The following FAF1 variants were observed in gnomAD, a reference collection of about 807,000 sequenced individuals.
FAF1 encodes the protein FAS-associated factor 1.
Under a neutral mutation model 92.5 loss-of-function variants are expected in FAF1, and 25 were observed. The ratio of observed to expected loss-of-function variants is 0.27; its 90% CI spans 0.20 to 0.38. The LOEUF (loss-of-function observed/expected upper bound fraction) is 0.38. FAF1 is among the 10% of genes least tolerant of loss of function. FAF1 has a pLI of 1.00. For missense variants in FAF1, 636 were observed against 793.3 expected, an observed-to-expected ratio of 0.80 and a Z score of 2.38; for synonymous variants, 234 against 273.2, an observed-to-expected ratio of 0.86 and a Z score of 1.42.
chr1:50,475,735 T>G, intron 17 of FAF1, 56 bp from the exon 18 acceptor site: 1 of 1,217,288 alleles, frequency 8.2e-7, no homozygotes, highest in Non-Finnish European at 1.1e-6. Flanking sequence ...CTATGGAGAG[T>G]GGGGAGGAAG....
intron 8 of FAF1, among the ~76,000 whole-genome samples, chr1:50,599,342 C>T (rs886279220): frequency 3.3e-5 from 5 of 152,060 alleles, no homozygotes; most frequent in African/African-American, 1.2e-4. Context: ...GAACTCCTGA[C>T]CTCAGGTGAT....
chr1:50,561,492 C>G (rs943549101), intron 13 of FAF1, among the ~76,000 whole-genome samples: 2 of 152,058 alleles, frequency 1.3e-5, no homozygotes, highest in Non-Finnish European at 2.9e-5. Context: ...TTCAATAAGC[C>G]TATTAGAGAT....
chr1:50,929,046 TG>T (rs1346200307), intron 1 of FAF1, among the ~76,000 whole-genome samples: 1 of 123,852 alleles, frequency 8.1e-6, no homozygotes, highest in African/African-American at 3.2e-5. Context: ...TACCCCAGCC[TG>T]GGTGACATAG....
In FAF1 at chr1:50,684,424, A is replaced by C. The variant is rs1265529840; in HGVS notation, c.657+21362T>G. On this transcript the variant is annotated intron_variant, in intron 7 of 18. Coordinates refer to ENST00000396153, the MANE Select transcript of FAF1 (RefSeq NM_007051.3). The stretch of plus-strand genomic sequence containing the variant: ...GAGGAATAAAGCAGCTGATATACTC[A>C]ATCACTTATTTATTCATTAATTCAG... 2.0e-5 allele frequency among the ~76,000 whole-genome samples: 3 copies of C among 152,102 alleles called. No individual in the cohort carries two copies. In the East Asian group the frequency reaches 5.8e-4, roughly 29 times the overall value.
At chr1:50,589,700 A>AT (rs979138700) in intron 9 of FAF1, among the ~76,000 whole-genome samples, 2 of 151,796 alleles carry the variant, frequency 1.3e-5, no homozygotes, top group Admixed American at 1.3e-4. Flanking sequence ...CAATTTCTCT[A>AT]TTTTTTCTTT....
At chr1:50,903,968 C>A (rs1644816025) in intron 1 of FAF1, among the ~76,000 whole-genome samples, 1 of 152,106 alleles carries the variant, frequency 6.6e-6, no homozygotes, top group Admixed American at 6.6e-5. Context: ...TGGCAGCCCT[C>A]AAAAAATTAA....
chr1:50,441,198 AG>A lies in FAF1; in HGVS notation c.*241del. The A allele has an allele frequency of 2.5e-6, 1 of 406,634 alleles. No individual in the cohort carries two copies. The highest frequency in any genetic ancestry group is 5.8e-5 in the South Asian group (1 of 17,324). The allele number at this position is 406,634 out of a possible 1,614,324, so 25.2% of individuals were successfully genotyped here. A position where few individuals can be genotyped will look rare whatever the true frequency, so the allele number is the denominator to read the frequency against. On this transcript the variant is annotated 3_prime_UTR_variant, in exon 19 of 19. Coordinates refer to ENST00000396153, the MANE Select transcript of FAF1 (RefSeq NM_007051.3). ...TCGTCATTGAAGGAGGGTGAAGTGC[AG>A]GGGGTAGGGGAGGGTGGCAGAGTTG... is the stretch of plus-strand genomic sequence containing the variant.
intron 18 of FAF1, among the ~76,000 whole-genome samples, chr1:50,455,741 T>C (rs374058025): frequency 4.9e-4 from 75 of 152,290 alleles, no homozygotes; most frequent in African/African-American, 1.7e-3. Flanking sequence ...GCTAGAAGAA[T>C]TAAAATTTTG....
intron 6 of FAF1, among the ~76,000 whole-genome samples, chr1:50,712,775 A>G (rs1657991768): frequency 6.6e-6 from 1 of 152,206 alleles, no homozygotes; most frequent in South Asian, 2.1e-4. Context: ...CCTCAGCTGC[A>G]GCATCCAGGA....
At chr1:50,622,705 T>G (rs1328240581) in intron 8 of FAF1, among the ~76,000 whole-genome samples, 1 of 152,160 alleles carries the variant, frequency 6.6e-6, no homozygotes, top group African/African-American at 2.4e-5. Flanking sequence ...GTGGGGAGGA[T>G]GGTAAAGAGG....
chr1:50,564,273 G>A (rs565505098), intron 13 of FAF1, among the ~76,000 whole-genome samples: 1 of 135,298 alleles, frequency 7.4e-6, no homozygotes, highest in Admixed American at 7.2e-5. Context: ...ATGGCTTACA[G>A]GTCCAGGACT....
chr1:50,820,140 T>A (rs1255209371), intron 2 of FAF1, among the ~76,000 whole-genome samples: 4 of 151,660 alleles, frequency 2.6e-5, no homozygotes, highest in Admixed American at 6.6e-5. Context: ...GTGGAGAGGG[T>A]AGGGAAGAGG....
At chr1:50,571,633 T>C (rs1164736903) in intron 12 of FAF1, among the ~76,000 whole-genome samples, 1 of 152,186 alleles carries the variant, frequency 6.6e-6, no homozygotes, top group Non-Finnish European at 1.5e-5. Context: ...CTGGGATGCT[T>C]ATTGTGTCTC....
At chr1:50,790,593 C>CT (rs953425723) in intron 3 of FAF1, among the ~76,000 whole-genome samples, 1,667 of 145,480 alleles carry the variant, frequency 0.011, 29 homozygotes, top group African/African-American at 0.037. Flanking sequence ...ATTGCCACTT[C>CT]TTTTTTTTTT....
chr1:50,916,722 T>C (rs1644921243), intron 1 of FAF1, among the ~76,000 whole-genome samples: 1 of 152,208 alleles, frequency 6.6e-6, no homozygotes, highest in South Asian at 2.1e-4. Flanking sequence ...TTACTTCTCC[T>C]AGAAGACTTA....
At chr1:50,857,114 TGAAAA>T (rs560102018) in intron 2 of FAF1, among the ~76,000 whole-genome samples, 2 of 151,892 alleles carry the variant, frequency 1.3e-5, no homozygotes, top group East Asian at 3.9e-4. Flanking sequence ...ACTTTTAATC[TGAAAA>T]GAAAAGCTTT....
chr1:50,830,783 G>C (rs1334854427), intron 2 of FAF1, among the ~76,000 whole-genome samples: 1 of 151,394 alleles, frequency 6.6e-6, no homozygotes, highest in Non-Finnish European at 1.5e-5. Flanking sequence ...AGTTATTCCA[G>C]ACTGCAAAGA....
chr1:50,733,322 T>A (rs999831375), intron 6 of FAF1, among the ~76,000 whole-genome samples: 4 of 152,212 alleles, frequency 2.6e-5, no homozygotes, highest in Admixed American at 6.5e-5. Flanking sequence ...CCCAGAAATG[T>A]TCTCCATCTG....
intron 8 of FAF1, among the ~76,000 whole-genome samples, chr1:50,601,915 T>C (rs1411657973): frequency 2.6e-5 from 4 of 152,124 alleles, no homozygotes; most frequent in African/African-American, 9.7e-5. Context: ...TGACAAAGAA[T>C]AAGACATTTT....
Sources: allele counts gnomAD v4.1 joint callset (sites outside exome capture counted in the v4.1 genomes callset), GRCh38; gene constraint gnomAD v4.1.1; transcripts MANE v1.5; gene names NCBI Gene and HGNC (gene_info 2026-07-23, HGNC 2026-07-21).